Variants in DOCK3 observed in about 807,000 individuals in gnomAD.
DOCK3 encodes dedicator of cytokinesis protein 3.
In DOCK3, 60 loss-of-function variants were observed where a neutral mutation model predicts 265.6. The observed-to-expected ratio is 0.23, with a 90% CI of 0.18 to 0.28. The LOEUF (loss-of-function observed/expected upper bound fraction) is 0.28. Among genes scored for constraint, DOCK3 ranks in the 10% least tolerant of loss-of-function variants. DOCK3 has a pLI of 1.00. For synonymous variants in DOCK3, 881 were observed against 938.0 expected (o/e 0.94, Z 1.11); for missense variants, 1,981 against 2,594.3 (o/e 0.76, Z 5.14).
At chr3:51,056,087 TA>T (rs1334998415) in intron 5 of DOCK3, among the ~76,000 whole-genome samples, 6 of 152,238 alleles carry the variant, frequency 3.9e-5, no homozygotes, top group Non-Finnish European at 8.8e-5. Flanking sequence ...TCATTTGTTG[TA>T]AATATGTGCT....
At chr3:51,175,685 T>C (rs1197711981) in intron 12 of DOCK3, among the ~76,000 whole-genome samples, 1 of 152,142 alleles carries the variant, frequency 6.6e-6, no homozygotes, top group East Asian at 1.9e-4. Flanking sequence ...TACTTTAAGA[T>C]TTGCAGTGAG....
chr3:50,844,900 A>G (rs1480188693), intron 3 of DOCK3, among the ~76,000 whole-genome samples: 4 of 152,206 alleles, frequency 2.6e-5, no homozygotes, highest in Non-Finnish European at 5.9e-5. Context: ...CCAAAATGCC[A>G]TGTTATGTAT....
intron 15 of DOCK3, among the ~76,000 whole-genome samples, chr3:51,226,782 A>G (rs772122082): frequency 6.6e-6 from 1 of 152,214 alleles, no homozygotes; most frequent in Non-Finnish European, 1.5e-5. Flanking sequence ...GAGATGGGTT[A>G]AGTTAAATCT....
intron 22 of DOCK3, among the ~76,000 whole-genome samples, chr3:51,253,507 GT>G (rs2079377294): frequency 6.6e-6 from 1 of 151,994 alleles, no homozygotes. Flanking sequence ...ACTTTTTTTG[GT>G]TGGTAGGCTA....
At chr3:50,740,420 T>C (rs987104359) in intron 1 of DOCK3, among the ~76,000 whole-genome samples, 1 of 152,156 alleles carries the variant, frequency 6.6e-6, no homozygotes, top group Non-Finnish European at 1.5e-5. Flanking sequence ...GGTAGGTATA[T>C]ACTTAACTTT....
intron 3 of DOCK3, among the ~76,000 whole-genome samples, chr3:50,869,714 G>GCC (rs2047345406): frequency 5.0e-5 from 1 of 20,102 alleles, no homozygotes; most frequent in Non-Finnish European, 7.1e-5. Context: ...GGTTTGATTT[G>GCC]CTCGCTTTGC....
chr3:51,249,396 G>C (rs1474793425), intron 22 of DOCK3, among the ~76,000 whole-genome samples: 2 of 134,278 alleles, frequency 1.5e-5, no homozygotes, highest in Non-Finnish European at 3.3e-5. Context: ...CCCCCCGCCC[G>C]GCCAGCCGCC....
chr3:51,107,774 C>G (rs1190535526), intron 9 of DOCK3, among the ~76,000 whole-genome samples: 2 of 152,196 alleles, frequency 1.3e-5, no homozygotes, highest in African/African-American at 2.4e-5. Context: ...TTCATTATAT[C>G]ATCCATGAGA....
At chr3:51,191,688 G>T (rs963009575) in intron 12 of DOCK3, among the ~76,000 whole-genome samples, 1 of 151,930 alleles carries the variant, frequency 6.6e-6, no homozygotes, top group South Asian at 2.1e-4. Context: ...TTCAGTTCTT[G>T]TGTTGCTTCT....
intron 5 of DOCK3, among the ~76,000 whole-genome samples, chr3:51,024,805 G>T (rs1220549605): frequency 6.6e-6 from 1 of 152,218 alleles, no homozygotes; most frequent in African/African-American, 2.4e-5. Context: ...AGATTCCTTG[G>T]TTGTAGATAG....
intron 5 of DOCK3, among the ~76,000 whole-genome samples, chr3:51,061,276 G>A (rs1193107998): frequency 1.3e-5 from 2 of 151,998 alleles, no homozygotes; most frequent in South Asian, 2.1e-4. Flanking sequence ...TGTTTATTGC[G>A]GCACTATTCA....
intron 27 of DOCK3, among the ~76,000 whole-genome samples, chr3:51,306,557 CCA>C (rs1201244200): frequency 6.6e-6 from 1 of 152,092 alleles, no homozygotes; most frequent in Non-Finnish European, 1.5e-5. Flanking sequence ...TAATGATGCC[CCA>C]CAGGTATCTG....
chr3:51,308,984 C>T (rs867218494), intron 27 of DOCK3, among the ~76,000 whole-genome samples: 6 of 150,286 alleles, frequency 4.0e-5, no homozygotes, highest in Admixed American at 6.6e-5. Context: ...ACATCCCAGA[C>T]GGGGCGGCGG....
intron 27 of DOCK3, among the ~76,000 whole-genome samples, chr3:51,299,121 T>C (rs2082247575): frequency 6.6e-6 from 1 of 152,226 alleles, no homozygotes; most frequent in South Asian, 2.1e-4. Context: ...TTCTGACTGG[T>C]GTGAGATGCT....
At chr3:51,262,262 C>G (rs2079895562) in intron 23 of DOCK3, among the ~76,000 whole-genome samples, 1 of 152,160 alleles carries the variant, frequency 6.6e-6, no homozygotes, top group Non-Finnish European at 1.5e-5. Flanking sequence ...GCTGGTGATA[C>G]CCAGGCAAAC....
chr3:51,174,872 G>C (rs2086860692), intron 12 of DOCK3, among the ~76,000 whole-genome samples: 2 of 152,234 alleles, frequency 1.3e-5, no homozygotes, highest in South Asian at 2.1e-4. Context: ...GTCTGAAGTT[G>C]GTGGGCCTCT....
chr3:50,789,233 T>C (rs1244198529), intron 2 of DOCK3, among the ~76,000 whole-genome samples: 1 of 152,242 alleles, frequency 6.6e-6, no homozygotes, highest in African/African-American at 2.4e-5. Context: ...ATTTCATTGT[T>C]GACCCAATGA....
chr3:51,379,820 G>C (rs1030340962), intron 51 of DOCK3, among the ~76,000 whole-genome samples: 2 of 152,250 alleles, frequency 1.3e-5, no homozygotes, highest in South Asian at 4.1e-4. Context: ...ACTGTGCCAG[G>C]CACACTTCTC....
rs1225340522 is a variant in DOCK3 at position 50,788,208 on chromosome 3, A to G, written c.121+9450A>G. 7.8e-6 allele frequency: 6 copies of G among 770,206 alleles called. No homozygotes were observed. In the East Asian group the frequency reaches 1.1e-4, roughly 14 times the overall value. The allele number at this position is 770,206 out of a possible 1,614,324, so 47.7% of individuals were successfully genotyped here. ...TGGATGGCACTTGCCCATGACGGCT[A>G]TCATCTTGTGCCATTCCTGCTACAG... On this transcript the variant is annotated intron_variant, in intron 2 of 52. Transcript: ENST00000266037.
Sources: allele counts gnomAD v4.1 joint callset (sites outside exome capture counted in the v4.1 genomes callset), GRCh38; gene constraint gnomAD v4.1.1; transcripts MANE v1.5; gene names NCBI Gene and HGNC (gene_info 2026-07-23, HGNC 2026-07-21).